The following NKAIN3 variants were observed in gnomAD, a reference collection of about 807,000 sequenced individuals.
NKAIN3 encodes sodium/potassium transporting ATPase interacting 3, also known as sodium/potassium-transporting ATPase subunit beta-1-interacting protein 3.
In NKAIN3, 25 loss-of-function variants were observed where a neutral mutation model predicts 30.2. That is an observed-to-expected ratio of 0.83 (90% CI 0.60 to 1.16). NKAIN3 has a LOEUF of 1.16. Ranked by LOEUF, NKAIN3 falls within the 50% of genes most tolerant of loss-of-function variation. NKAIN3 has a pLI of 0.00. For missense variants in NKAIN3, 225 were observed against 254.1 expected, an observed-to-expected ratio of 0.89 and a Z score of 0.78; for synonymous variants, 91 against 89.6, an observed-to-expected ratio of 1.02 and a Z score of -0.09.
In NKAIN3 at chr8:62,887,226, G is replaced by T. The variant is rs371241607; in HGVS notation, c.472-31227G>T. Among the ~76,000 whole-genome samples the T allele has an allele frequency of 1.9e-3, 293 of 152,096 alleles. 7 individuals carry two copies. The South Asian group carries it at 0.052, about 27-fold the overall frequency. On this transcript the variant is annotated intron_variant, in intron 4 of 6. Coordinates refer to ENST00000623646, the MANE Select transcript of NKAIN3 (RefSeq NM_001304533.3). The stretch of plus-strand genomic sequence containing the variant: ...AATTCTTTTCTCCTCTGTAAGTAAA[G>T]TGTTGTGTTTTTTTTCTGCCTCTGG...
chr8:62,719,881 C>CGAGTAGCT (rs1815033641), intron 3 of NKAIN3, among the ~76,000 whole-genome samples: 1 of 151,458 alleles, frequency 6.6e-6, no homozygotes, highest in Non-Finnish European at 1.5e-5. Context: ...CTCAGCCTCC[C>CGAGTAGCT]GAGTAGCTGG....
intron 1 of NKAIN3, among the ~76,000 whole-genome samples, chr8:62,345,639 G>GTATATACACACA (rs1815976338): frequency 7.3e-6 from 1 of 137,926 alleles, no homozygotes; most frequent in Non-Finnish European, 1.5e-5. Context: ...ACACATATAT[G>GTATATACACACA]TATATATACA....
At chr8:62,274,368 G>T (rs765878558) in intron 1 of NKAIN3, among the ~76,000 whole-genome samples, 5 of 152,126 alleles carry the variant, frequency 3.3e-5, no homozygotes, top group Admixed American at 6.6e-5. Flanking sequence ...GTTGGGTGTA[G>T]TCTATGATCT....
chr8:62,772,044 T>C (rs1817030479), intron 4 of NKAIN3, among the ~76,000 whole-genome samples: 1 of 152,162 alleles, frequency 6.6e-6, no homozygotes, highest in African/African-American at 2.4e-5. Context: ...TCCTTAACCA[T>C]CCCTACTACC....
chr8:62,603,670 C>T (rs1352216028), intron 3 of NKAIN3, among the ~76,000 whole-genome samples: 6 of 152,070 alleles, frequency 3.9e-5, no homozygotes, highest in Admixed American at 3.9e-4. Flanking sequence ...TAATTAGTGT[C>T]TTGCACACAT....
chr8:62,912,089 C>T (rs1230260729), intron 4 of NKAIN3, among the ~76,000 whole-genome samples: 1 of 152,098 alleles, frequency 6.6e-6, no homozygotes, highest in Admixed American at 6.5e-5. Context: ...GACTACACAC[C>T]TAGGCTACAA....
In NKAIN3 at chr8:62,378,145, G is replaced by C. The variant is rs115375393; in HGVS notation, c.54+129018G>C. ...GGTGTCAGTCGGAGGTGAGGACCTT[G>C]TTGGGAACTGGAGTAAAGGTCACTC... On this transcript the variant is annotated intron_variant, in intron 1 of 6. Coordinates refer to ENST00000623646, the MANE Select transcript of NKAIN3 (RefSeq NM_001304533.3). 5.9e-3 allele frequency among the ~76,000 whole-genome samples: 900 copies of C among 152,302 alleles called. 3 individuals carry two copies. The highest frequency in any genetic ancestry group is 0.021 in the African/African-American group (856 of 41,568).
chr8:62,792,973 A>G (rs1817749723), intron 4 of NKAIN3, among the ~76,000 whole-genome samples: 1 of 152,146 alleles, frequency 6.6e-6, no homozygotes, highest in African/African-American at 2.4e-5. Flanking sequence ...GGTGATATAC[A>G]TAGGGTGCAG....
intron 3 of NKAIN3, among the ~76,000 whole-genome samples, chr8:62,733,586 T>C (rs943883435): frequency 5.9e-5 from 9 of 152,130 alleles, no homozygotes; most frequent in Non-Finnish European, 1.2e-4. Flanking sequence ...TAATTTAATA[T>C]GTTATTATTT....
At chr8:62,622,645 G>A (rs1411192571) in intron 3 of NKAIN3, among the ~76,000 whole-genome samples, 2 of 151,840 alleles carry the variant, frequency 1.3e-5, no homozygotes, top group Non-Finnish European at 2.9e-5. Flanking sequence ...GTGAAATTTT[G>A]AGATTTCATT....
intron 4 of NKAIN3, among the ~76,000 whole-genome samples, chr8:62,764,896 A>T (rs539498766): frequency 4.6e-5 from 7 of 152,258 alleles, no homozygotes; most frequent in Admixed American, 3.3e-4. Flanking sequence ...ATTATCAGAT[A>T]ATTTTTTAGG....
chr8:62,573,691 A>G (rs1276762063), intron 1 of NKAIN3, among the ~76,000 whole-genome samples: 1 of 152,048 alleles, frequency 6.6e-6, no homozygotes, highest in Non-Finnish European at 1.5e-5. Context: ...TTAAGTGTCT[A>G]AGATTTTCAA....
intron 4 of NKAIN3, among the ~76,000 whole-genome samples, chr8:62,804,063 G>A (rs1818179114): frequency 6.6e-6 from 1 of 152,178 alleles, no homozygotes; most frequent in Non-Finnish European, 1.5e-5. Flanking sequence ...GATTAACCAG[G>A]AAGAAGTTGA....
chr8:62,574,747 G>A (rs148010310), intron 1 of NKAIN3, among the ~76,000 whole-genome samples: 34 of 152,116 alleles, frequency 2.2e-4, no homozygotes, highest in African/African-American at 7.5e-4. Context: ...TTTTAACTGA[G>A]GTGAGATCAT....
At chr8:62,661,357 G>C (rs998825490) in intron 3 of NKAIN3, among the ~76,000 whole-genome samples, 2 of 152,182 alleles carry the variant, frequency 1.3e-5, no homozygotes, top group Admixed American at 6.5e-5. Flanking sequence ...ACAGCTCACA[G>C]CTTCTTGACT....
intron 1 of NKAIN3, among the ~76,000 whole-genome samples, chr8:62,488,587 A>G (rs1037361801): frequency 6.6e-6 from 1 of 152,188 alleles, no homozygotes; most frequent in East Asian, 1.9e-4. Context: ...ATGAAGGTAT[A>G]TTGTTAGTTA....
rs1486944554 is a variant in NKAIN3 at position 62,975,248 on chromosome 8, T to G, written c.*9841T>G. On this transcript the variant is annotated 3_prime_UTR_variant, in exon 7 of 7. Coordinates refer to ENST00000623646, the MANE Select transcript of NKAIN3 (RefSeq NM_001304533.3). ...TCAGAAGGAATGGTACCAGCTCCTC[T>G]TTGTAACTCTGGTAGAGTTCAGCTA... is the stretch of plus-strand genomic sequence containing the variant. Among the ~76,000 whole-genome samples the G allele has an allele frequency of 1.3e-5, 2 of 152,158 alleles. No individual in the cohort carries two copies. The highest frequency in any genetic ancestry group is 2.9e-5 in the Non-Finnish European group (2 of 68,014).
rs372952728 is a variant in NKAIN3, at chr8:62,567,091, C to T, written c.55-12448C>T. ...TATCAAAATTCTTATACCTATATTA[C>T]AAATTTTGAATTATAATGCTACTTC... On this transcript the variant is annotated intron_variant, in intron 1 of 6. Transcript: ENST00000623646. 4.7e-4 allele frequency among the ~76,000 whole-genome samples: 71 copies of T among 152,124 alleles called. 1 individual carries two copies. The South Asian group carries it at 0.014, about 30-fold the overall frequency.
chr8:62,741,590 T>A (rs751609018), intron 3 of NKAIN3, among the ~76,000 whole-genome samples: 3 of 152,190 alleles, frequency 2.0e-5, no homozygotes, highest in Non-Finnish European at 2.9e-5. Context: ...AAACTAACCC[T>A]TATCTTCCTA....
Sources: allele counts gnomAD v4.1 joint callset (sites outside exome capture counted in the v4.1 genomes callset), GRCh38; gene constraint gnomAD v4.1.1; transcripts MANE v1.5; gene names NCBI Gene and HGNC (gene_info 2026-07-23, HGNC 2026-07-21).